Variants in RANBP2 observed in about 807,000 individuals in gnomAD.
RANBP2 encodes E3 SUMO-protein ligase RanBP2.
Under a neutral mutation model 303.6 loss-of-function variants are expected in RANBP2, and 57 were observed. That is an observed-to-expected ratio of 0.19 (90% CI 0.15 to 0.23). The LOEUF is 0.23. Ranked by LOEUF, RANBP2 falls within the 10% of genes least tolerant of loss-of-function variation. The pLI is 1.00. For missense variants in RANBP2, 3,138 were observed against 3,780.8 expected (o/e 0.83, Z 4.46); for synonymous variants, 1,167 against 1,301.5 (o/e 0.90, Z 2.23).
the RANBP2 span, among the ~76,000 whole-genome samples, chr2:109,092,309 T>C: frequency 1.1e-4 from 16 of 152,082 alleles, no homozygotes; most frequent in Non-Finnish European, 2.2e-4. Flanking sequence ...AGAGACCCCA[T>C]TGTGAATTAC....
At chr2:109,291,253 T>C in the RANBP2 span, among the ~76,000 whole-genome samples, 15 of 151,908 alleles carry the variant, frequency 9.9e-5, no homozygotes, top group Non-Finnish European at 1.3e-4. Flanking sequence ...CAGAAGGCTG[T>C]TGGGAGAAAA....
chr2:109,405,387 T>G, the RANBP2 span, among the ~76,000 whole-genome samples: 1 of 152,280 alleles, frequency 6.6e-6, no homozygotes, highest in African/African-American at 2.4e-5. Context: ...CTGAGTTCCC[T>G]CCTGAGTCCC....
chr2:108,757,241 A>G (rs1436290589), intron 17 of RANBP2, among the ~76,000 whole-genome samples: 1 of 152,188 alleles, frequency 6.6e-6, no homozygotes, highest in Non-Finnish European at 1.5e-5. Context: ...GACATTTTGT[A>G]GGTTCTAGGG....
the RANBP2 span, among the ~76,000 whole-genome samples, chr2:109,584,289 C>A: frequency 2.0e-4 from 9 of 45,930 alleles, no homozygotes; most frequent in Admixed American, 2.3e-3. Context: ...CCAGCCTGGC[C>A]AACAAGGTGA....
the RANBP2 span, among the ~76,000 whole-genome samples, chr2:109,470,412 G>C: frequency 6.6e-6 from 1 of 152,144 alleles, no homozygotes; most frequent in Admixed American, 6.5e-5. Context: ...GTCAATCTTT[G>C]GTTCTCAGAA....
chr2:109,638,108 T>C, the RANBP2 span, among the ~76,000 whole-genome samples: 10 of 152,358 alleles, frequency 6.6e-5, no homozygotes, highest in South Asian at 1.2e-3. Context: ...TGTACATGAC[T>C]GTACTTTCAA....
intron 24 of RANBP2, 56 bp downstream of exon 24, chr2:108,775,992 A>G (rs1677866861): frequency 1.4e-6 from 2 of 1,474,668 alleles, no homozygotes; most frequent in East Asian, 4.7e-5. Context: ...TATATTTGAG[A>G]AGATAGACTT....
At chr2:109,712,091 T>A in the RANBP2 span, among the ~76,000 whole-genome samples, 1 of 152,212 alleles carries the variant, frequency 6.6e-6, no homozygotes, top group Non-Finnish European at 1.5e-5. Context: ...AACAAATTGC[T>A]ATTGACTGCT....
the RANBP2 span, among the ~76,000 whole-genome samples, chr2:109,526,021 C>T: frequency 1.3e-5 from 2 of 152,244 alleles, no homozygotes; most frequent in South Asian, 2.1e-4. Context: ...TGGAGCTGCT[C>T]GCAATCCCGA....
chr2:109,419,582 G>A, the RANBP2 span: 18 of 1,597,378 alleles, frequency 1.1e-5, no homozygotes, highest in South Asian at 3.4e-5. Context: ...GCTGTCCCAC[G>A]GGCTGCCTCG....
chr2:109,483,668 C>T, the RANBP2 span, among the ~76,000 whole-genome samples: 2 of 152,222 alleles, frequency 1.3e-5, no homozygotes, highest in Admixed American at 6.5e-5. Flanking sequence ...CAAGGCTGGA[C>T]ACACAAAGGA....
At chr2:109,612,517 C>T in the RANBP2 span, among the ~76,000 whole-genome samples, 2 of 152,138 alleles carry the variant, frequency 1.3e-5, no homozygotes, top group Admixed American at 6.5e-5. Flanking sequence ...GCATATTAAT[C>T]TACAATTAAC....
the RANBP2 span, among the ~76,000 whole-genome samples, chr2:109,436,643 T>C: frequency 1.3e-4 from 20 of 152,368 alleles, no homozygotes; most frequent in South Asian, 2.7e-3. Flanking sequence ...TTCGTTCAGC[T>C]CATTCCTCTG....
Position 108,735,488 on chromosome 2 carries a change from C to T in RANBP2, c.406-44C>T, listed in dbSNP as rs193237809. Reference sequence around the variant, plus strand: ...TGGGAGCATGACTTGTTTAAAATTGCACAAGTGTTACTCTAATAATTTTTC... The same window carrying T: ...TGGGAGCATGACTTGTTTAAAATTGTACAAGTGTTACTCTAATAATTTTTC... On this transcript the variant is annotated intron_variant, in intron 4 of 28. Transcript: ENST00000283195. 66 of 1,596,840 alleles carry T rather than the reference C, an allele frequency of 4.1e-5. No homozygotes were observed. The East Asian group carries it at 1.4e-3, about 35-fold the overall frequency.
chr2:108,740,611 A>G lies in RANBP2; in HGVS notation c.905A>G (p.Gln302Arg). ...GGTTCTCTGCTTTTGAAGATGGGTCAGCATAGTAGTAATGTTCAATGGCGA... is the reference window on the plus strand; with the variant it reads ...GGTTCTCTGCTTTTGAAGATGGGTCGGCATAGTAGTAATGTTCAATGGCGA... Reference protein sequence around the residue: ...HAGSLLLKMGQHSSNVQWRAL... With the variant: ...HAGSLLLKMGRHSSNVQWRAL... The change falls in exon 7 of 29, where the codon CAG becomes CGG. Residue 302 changes from glutamine to arginine, a missense_variant. Physicochemically the swap from Gln to Arg is conservative, Grantham distance 43. This residue lies in a region of RANBP2 where 306 missense variants were observed against 381.9 expected (regional missense o/e 0.80). Transcript: ENST00000283195. The G allele has an allele frequency of 1.3e-6, 2 of 1,597,564 alleles. No individual in the cohort carries two copies. Among genetic ancestry groups the G allele is most frequent in the African/African-American group, 1.3e-5 (1 of 74,970 alleles).
the RANBP2 span, among the ~76,000 whole-genome samples, chr2:109,571,398 C>T: frequency 6.6e-6 from 1 of 152,148 alleles, no homozygotes; most frequent in Non-Finnish European, 1.5e-5. Flanking sequence ...GCCTATGACA[C>T]ACCTAGGCTG....
At chr2:108,820,731 T>C in the RANBP2 span, among the ~76,000 whole-genome samples, 1 of 114,338 alleles carries the variant, frequency 8.7e-6, no homozygotes, top group African/African-American at 3.4e-5. Flanking sequence ...AACAAAACTG[T>C]TAACCAAGAG....
At chr2:108,731,105 T>C (rs2693131) in intron 3 of RANBP2, among the ~76,000 whole-genome samples, 7 of 152,352 alleles carry the variant, frequency 4.6e-5, no homozygotes, top group East Asian at 1.9e-4. Context: ...GTGTTTTTTG[T>C]ATTCAAATGA....
chr2:109,551,128 C>T, the RANBP2 span, among the ~76,000 whole-genome samples: 2 of 152,118 alleles, frequency 1.3e-5, no homozygotes, highest in East Asian at 1.9e-4. Flanking sequence ...AGAACGTCAA[C>T]GATATTTGGA....
Sources: gnomAD v4.1 joint callset for allele counts (sites outside exome capture counted in the v4.1 genomes callset) on GRCh38, gnomAD v4.1.1 for gene constraint, gnomAD v4.1.1 regional missense constraint, MANE v1.5 for transcripts, NCBI Gene and HGNC (gene_info 2026-07-23, HGNC 2026-07-21) for gene names.